CSAD: variants seen among roughly 807,000 people sequenced by gnomAD.
CSAD encodes the protein P-selectin cytoplasmic tail-associated protein.
A neutral mutation model predicts 61.5 loss-of-function variants in CSAD; 47 were observed. The ratio of observed to expected loss-of-function variants is 0.76; its 90% confidence interval spans 0.60 to 0.97. The LOEUF is 0.97. CSAD is among the 50% of genes least tolerant of loss of function. CSAD has a pLI of 0.00. For synonymous variants in CSAD, 245 were observed against 252.7 expected, an observed-to-expected ratio of 0.97 and a Z score of 0.29; for missense variants, 611 against 643.6, an observed-to-expected ratio of 0.95 and a Z score of 0.55.
chr12:53,162,539 G>C (rs1173097140), intron 10 of CSAD, among the ~76,000 whole-genome samples: 1 of 152,212 alleles, frequency 6.6e-6, no homozygotes, highest in African/African-American at 2.4e-5. Context: ...CTGCACTCCA[G>C]TCTGGGTGAC....
In CSAD at chr12:53,167,874, G is replaced by A. The variant is rs75560594; in HGVS notation, c.702+2198C>T. On this transcript the variant is annotated intron_variant, in intron 10 of 16. Transcript: ENST00000444623. ...TATGACCCAGCCAATTCCACTCCTA[G>A]GTATATAACCAAGATAAATGAAAAC... 3.2e-3 allele frequency among the ~76,000 whole-genome samples: 484 copies of A among 152,106 alleles called. 1 individual carries two copies. The highest frequency in any genetic ancestry group is 0.011 in the African/African-American group (455 of 41,472).
intron 1 of CSAD, 183 bp downstream of exon 1, chr12:53,180,549 A>C (rs2121526409): frequency 7.8e-7 from 1 of 1,279,000 alleles, no homozygotes; most frequent in East Asian, 6.1e-5. Context: ...CCCTCGGCGC[A>C]CGGCGCCGCC....
chr12:53,179,708 TCATA>T (rs766280211), intron 1 of CSAD: 217 of 1,311,926 alleles, frequency 1.7e-4, no homozygotes, highest in Non-Finnish European at 2.1e-4. Flanking sequence ...CTTTTTTTCA[TCATA>T]CAGTTTTTTT....
intron 14 of CSAD, 81 bp downstream of exon 14, chr12:53,160,039 T>C (rs898968908): frequency 6.2e-7 from 1 of 1,601,110 alleles, no homozygotes; most frequent in African/African-American, 1.3e-5. Flanking sequence ...GAGAGAAAAG[T>C]AATCCCGGGA....
chr12:53,170,725 T>G (rs540368907), intron 8 of CSAD: 8 of 512,946 alleles, frequency 1.6e-5, no homozygotes, highest in African/African-American at 1.2e-4. Context: ...TTTGTTTGTT[T>G]TTTTTTTTTT....
At chr12:53,170,822 G>A in intron 8 of CSAD, 3 of 394,008 alleles carry the variant, frequency 7.6e-6, no homozygotes, top group East Asian at 6.1e-5. Context: ...CCAGGTTCAA[G>A]CAATTCTCGT....
In CSAD at chr12:53,158,530, C is replaced by A; in HGVS notation, c.1463G>T (p.Arg488Leu). The stretch of plus-strand genomic sequence containing the variant: ...GAAGGCTCACAGGTCCTGGCCTAGC[C>A]GCTCCAGCTCGTTGAGGAGGAAGTC... ...DMDFLLNELE[R>L]LGQDL is the part of the protein sequence containing the mutation. Residue 488 changes from arginine (R) to leucine (L), a missense_variant, in exon 17 of 17, where the codon CGG (arginine) becomes CTG (leucine). Physicochemically the swap from Arg to Leu is moderately radical, Grantham distance 102 (BLOSUM62 -2). Transcript: ENST00000444623. 1 of 1,613,244 alleles carries A rather than the reference C, an allele frequency of 6.2e-7. No homozygotes were observed. Among genetic ancestry groups the A allele is most frequent in the Non-Finnish European group, 8.5e-7 (1 of 1,179,862 alleles).
intron 2 of CSAD, among the ~76,000 whole-genome samples, chr12:53,177,606 A>G (rs1941205077): frequency 6.6e-6 from 1 of 152,158 alleles, no homozygotes; most frequent in African/African-American, 2.4e-5. Flanking sequence ...CTAAGGCAAC[A>G]AAGCGTGGAG....
chr12:53,173,951 T>G (rs1940893539), intron 2 of CSAD, 181 bp from the exon 3 acceptor site: 2 of 621,776 alleles, frequency 3.2e-6, no homozygotes, highest in Non-Finnish European at 5.7e-6. Flanking sequence ...CCCCGACCCC[T>G]GGCAACTACT....
In CSAD at chr12:53,158,501, CAG is replaced by C. The variant is rs764133958; in HGVS notation, c.*8_*9del. The C allele has an allele frequency of 1.2e-5, 19 of 1,608,584 alleles. No homozygotes were observed. The highest frequency in any genetic ancestry group is 1.4e-5 in the Non-Finnish European group (17 of 1,176,248). On this transcript the variant is annotated 3_prime_UTR_variant, in exon 17 of 17. Coordinates refer to ENST00000444623, the MANE Select transcript of CSAD (RefSeq NM_001244705.2). Reference sequence around the variant, plus strand: ...GGTGGTATCAAGGCCGGCAGCAAGACAGAGAAGGCTCACAGGTCCTGGCCTAG... The same window carrying C: ...GGTGGTATCAAGGCCGGCAGCAAGACAGAAGGCTCACAGGTCCTGGCCTAG...
chr12:53,173,516 C>G, intron 3 of CSAD, 40 bp from the exon 4 acceptor site: 2 of 1,613,950 alleles, frequency 1.2e-6, no homozygotes, highest in Non-Finnish European at 1.7e-6. Flanking sequence ...AGCCTGTCAA[C>G]CCTTCCCGGA....
chr12:53,160,165 T>A lies in CSAD; in HGVS notation c.1121A>T (p.Asp374Val), dbSNP rs1298507686. 1 of 1,613,882 alleles carries A rather than the reference T, an allele frequency of 6.2e-7. No individual in the cohort carries two copies. The highest frequency in any genetic ancestry group is 1.3e-5 in the African/African-American group (1 of 74,924). Residue 374 changes from aspartate to valine, a missense_variant, in exon 14 of 17, where the codon GAT (aspartate) becomes GTT (valine). By Grantham distance (152) the Asp-to-Val change is radical. Coordinates refer to ENST00000444623, the MANE Select transcript of CSAD (RefSeq NM_001244705.2). ...GTCGATGCGCCGCTCCAGCCCTTGATCGCCCTGTGCCTTCCACATGAGCCA... is the reference window on the plus strand; with the variant it reads ...GTCGATGCGCCGCTCCAGCCCTTGAACGCCCTGTGCCTTCCACATGAGCCA... ...KLWLMWKAQG[D>V]QGLERRIDQA...
At chr12:53,173,874 C>A in intron 2 of CSAD, 104 bp from the exon 3 acceptor site, 2 of 1,144,912 alleles carry the variant, frequency 1.7e-6, no homozygotes, top group Non-Finnish European at 2.5e-6. Context: ...TCATCACTAT[C>A]TAACGCCAGA....
At chr12:53,174,227 G>C (rs1220520911) in intron 2 of CSAD, among the ~76,000 whole-genome samples, 2 of 150,392 alleles carry the variant, frequency 1.3e-5, no homozygotes, top group Non-Finnish European at 3.0e-5. Context: ...AGAATGGCGT[G>C]AACCCGGGAG....
rs1347007676 is a variant in CSAD at position 53,159,877 on chromosome 12, G to A, written c.1218+10C>T. 10 of 1,588,888 alleles carry A rather than the reference G, an allele frequency of 6.3e-6. No individual in the cohort carries two copies. Among genetic ancestry groups the A allele is most frequent in the Non-Finnish European group, 8.6e-6 (10 of 1,165,958 alleles). ...TGGGGCAGGGGCCACAAAATAGAAA[G>A]GGGTCCTACCTCCATGACTAGCTCA... is the stretch of plus-strand genomic sequence containing the variant. On this transcript the variant is annotated intron_variant, in intron 15 of 16. Coordinates refer to ENST00000444623, the MANE Select transcript of CSAD (RefSeq NM_001244705.2).
intron 2 of CSAD, among the ~76,000 whole-genome samples, chr12:53,177,592 C>A (rs970511341): frequency 1.3e-5 from 2 of 152,088 alleles, no homozygotes; most frequent in African/African-American, 4.8e-5. Context: ...AGTTGGAAAC[C>A]AGCCTAAGGC....
chr12:53,173,592 C>T, intron 3 of CSAD, 116 bp from the exon 4 acceptor site: 1 of 1,573,974 alleles, frequency 6.4e-7, no homozygotes, highest in Non-Finnish European at 8.7e-7. Flanking sequence ...TCAGTCTCGG[C>T]CTCCAGTGCA....
intron 2 of CSAD, among the ~76,000 whole-genome samples, chr12:53,176,114 G>T (rs1204401515): frequency 6.6e-6 from 1 of 152,044 alleles, no homozygotes; most frequent in Non-Finnish European, 1.5e-5. Context: ...AGAAGGGGGG[G>T]TGAGGGGCGG....
chr12:53,171,084 T>TG, intron 8 of CSAD: 1 of 661,842 alleles, frequency 1.5e-6, no homozygotes, highest in African/African-American at 1.8e-5. Flanking sequence ...ACCACACTCT[T>TG]GAGTAGGAAG....
Sources: allele counts gnomAD v4.1 joint callset (sites outside exome capture counted in the v4.1 genomes callset), GRCh38; gene constraint gnomAD v4.1.1; transcripts MANE v1.5; gene names NCBI Gene and HGNC (gene_info 2026-07-23, HGNC 2026-07-21).